Variants in ST3GAL6 observed in about 807,000 individuals in gnomAD.
ST3GAL6 encodes the protein type 2 lactosamine alpha-2,3-sialyltransferase.
Under a neutral mutation model 40.5 loss-of-function variants are expected in ST3GAL6, and 31 were observed. That is an observed-to-expected ratio of 0.77 (90% confidence interval 0.58 to 1.03). The LOEUF (loss-of-function observed/expected upper bound fraction) is 1.03, where lower values mean the gene tolerates loss of function less well. ST3GAL6 is among the 50% of genes least tolerant of loss of function. The pLI is 0.00. For missense variants in ST3GAL6, 357 were observed against 393.2 expected, an observed-to-expected ratio of 0.91 and a Z score of 0.78; for synonymous variants, 129 against 136.9, an observed-to-expected ratio of 0.94 and a Z score of 0.40.
In ST3GAL6 at chr3:98,788,085, A is replaced by G; in HGVS notation, c.481A>G (p.Thr161Ala). ...ACATGAAGAAGAAGTTGGGAGAAGG[A>G]CAACCTTCCGACTTTTTTATCCAGA... The part of the protein sequence containing the change: ...LGHEEEVGRR[T>A]TFRLFYPESV... Residue 161 changes from threonine (T) to alanine (A), a missense_variant, in exon 7 of 10, where the codon ACA (threonine) becomes GCA (alanine). Transcript: ENST00000483910. The G allele has an allele frequency of 6.2e-7, 1 of 1,614,026 alleles. No homozygotes were observed. Among genetic ancestry groups the G allele is most frequent in the South Asian group, 1.1e-5 (1 of 91,066 alleles).
At chr3:98,770,831 C>T (rs763136531) in intron 2 of ST3GAL6, 48 bp from the exon 3 acceptor site, 1 of 1,551,970 alleles carries the variant, frequency 6.4e-7, no homozygotes, top group Non-Finnish European at 8.9e-7. Context: ...TCCCTTTGGG[C>T]AGGGTGCCCG....
intron 5 of ST3GAL6, chr3:98,782,416 C>A: frequency 1.5e-6 from 1 of 645,190 alleles, no homozygotes; most frequent in Non-Finnish European, 2.8e-6. Flanking sequence ...TGTACCATGA[C>A]TCTCACAATA....
At chr3:98,782,394 A>T (rs1453247312) in intron 5 of ST3GAL6, 3 of 672,438 alleles carry the variant, frequency 4.5e-6, no homozygotes, top group African/African-American at 1.8e-5. Context: ...GCTCAGAAAA[A>T]AGTCAAAAGG....
At chr3:98,736,133 A>G (rs1335289787) in intron 1 of ST3GAL6, among the ~76,000 whole-genome samples, 1 of 152,114 alleles carries the variant, frequency 6.6e-6, no homozygotes, top group African/African-American at 2.4e-5. Flanking sequence ...TACTGCCACA[A>G]ACTTTTGTAT....
chr3:98,793,628 C>T, intron 9 of ST3GAL6, 47 bp from the exon 10 acceptor site: 1 of 1,315,456 alleles, frequency 7.6e-7, no homozygotes, highest in African/African-American at 1.5e-5. Flanking sequence ...GCTGCTAATA[C>T]TTTGAGATTG....
At chr3:98,783,420 T>G (rs563448779) in intron 5 of ST3GAL6, 3 of 345,398 alleles carry the variant, frequency 8.7e-6, no homozygotes, top group Admixed American at 6.4e-5. Flanking sequence ...TGGCAAACTG[T>G]TTTTGTTCAG....
At chr3:98,757,158 A>G (rs997638041) in intron 1 of ST3GAL6, among the ~76,000 whole-genome samples, 1 of 152,240 alleles carries the variant, frequency 6.6e-6, no homozygotes, top group African/African-American at 2.4e-5. Context: ...TGTTTTACCC[A>G]TGAATATATG....
At chr3:98,789,404 G>T (rs1241167950) in intron 8 of ST3GAL6, among the ~76,000 whole-genome samples, 1 of 152,044 alleles carries the variant, frequency 6.6e-6, no homozygotes, top group African/African-American at 2.4e-5. Flanking sequence ...CCTTTTATGT[G>T]CTTCCAGACT....
chr3:98,765,477 A>G (rs1425170909), intron 1 of ST3GAL6, among the ~76,000 whole-genome samples: 35 of 152,214 alleles, frequency 2.3e-4, no homozygotes, highest in Non-Finnish European at 5.9e-5. Context: ...ATGGACATAT[A>G]AAAGATTTTT....
Position 98,788,181 on chromosome 3 carries a change from G to A in ST3GAL6, c.577G>A (p.Asp193Asn). 1 of 1,612,542 alleles carries A rather than the reference G, an allele frequency of 6.2e-7. No homozygotes were observed. The highest frequency in any genetic ancestry group is 8.5e-7 in the Non-Finnish European group (1 of 1,179,218). Residue 193 changes from aspartate to asparagine, a missense_variant, in exon 7 of 10, where the codon GAT becomes AAT. Transcript: ENST00000483910. ...TVILTAFKPHDLRWLLELLMG... is the reference protein window; with the variant it reads ...TVILTAFKPHNLRWLLELLMG... The stretch of plus-strand genomic sequence containing the variant: ...GATTCTCACTGCTTTTAAGCCACAT[G>A]ATTTAAGGTGGCTGTTGGAATTGTT...
intron 1 of ST3GAL6, chr3:98,733,046 GGGCCGGGGTC>G (rs1416815405): frequency 2.1e-6 from 3 of 1,417,456 alleles, no homozygotes; most frequent in African/African-American, 3.0e-5. Flanking sequence ...AGACCGGTCT[GGGCCGGGGTC>G]CGGGCGGCCT....
rs1941548887 is a variant in ST3GAL6 at position 98,795,657 on chromosome 3, CGGCGGGGGG to C, written c.*1897_*1905del. On this transcript the variant is annotated 3_prime_UTR_variant, in exon 10 of 10. Coordinates refer to ENST00000483910, the MANE Select transcript of ST3GAL6 (RefSeq NM_001323368.2). ...TGGGAACGATAGACACTGAGGACTG[CGGCGGGGGG>C]AGCGAGGGGAGCGGGGAGGGCAAGG... 1 of 151,952 alleles carries C rather than the reference CGGCGGGGGG, an allele frequency of 6.6e-6. No homozygotes were observed. The allele number at this position is 151,952 out of a possible 1,614,324, so 9.4% of individuals were successfully genotyped here.
intron 3 of ST3GAL6, chr3:98,772,366 T>C (rs1470325568): frequency 1.3e-5 from 2 of 152,744 alleles, no homozygotes; most frequent in African/African-American, 4.8e-5. Flanking sequence ...TGGGTGTGGA[T>C]TTCAGCTGTC....
upstream of ST3GAL6, chr3:98,763,117 G>A (rs1937962397): frequency 1.0e-6 from 1 of 985,412 alleles, no homozygotes; most frequent in Non-Finnish European, 1.2e-6. Context: ...GTCATATGGA[G>A]ATGGCTGGGT....
Position 98,740,224 on chromosome 3 carries a change from A to C in ST3GAL6, c.-12+7692A>C, listed in dbSNP as rs868213661. On this transcript the variant is annotated intron_variant, in intron 1 of 9. Transcript: ENST00000265261. Reference sequence around the variant, plus strand: ...AAATCTGGCTCTCTTATTGCAAAACACTTTTTTTTTTTTTTTTTTTTTTAC... The same window carrying C: ...AAATCTGGCTCTCTTATTGCAAAACCCTTTTTTTTTTTTTTTTTTTTTTAC... Among the ~76,000 whole-genome samples, 498 of 116,846 alleles carry C rather than the reference A, an allele frequency of 4.3e-3. 2 individuals are homozygous for C. Among genetic ancestry groups the C allele is most frequent in the African/African-American group, 0.018 (466 of 25,770 alleles). The allele number at this position is 116,846 out of a possible 152,430, so 76.7% of individuals were successfully genotyped here.
chr3:98,749,781 G>T (rs1306225396), intron 1 of ST3GAL6, among the ~76,000 whole-genome samples: 1 of 152,224 alleles, frequency 6.6e-6, no homozygotes, highest in Non-Finnish European at 1.5e-5. Flanking sequence ...CAAGTGTAAG[G>T]AAGGGCTGTG....
chr3:98,765,481 G>T (rs980749833), intron 1 of ST3GAL6, among the ~76,000 whole-genome samples: 2 of 152,236 alleles, frequency 1.3e-5, no homozygotes, highest in African/African-American at 4.8e-5. Flanking sequence ...ACATATAAAA[G>T]ATTTTTTATG....
Position 98,793,733 on chromosome 3 carries a change from A to C in ST3GAL6, c.968A>C (p.Asn323Thr), listed in dbSNP as rs141801266. ...QLFLKDIIEK[N>T]LVINLTQD ...TTTTTGAAGGACATTATAGAAAAAA[A>C]CCTCGTAATCAACTTGACTCAAGAT... is the stretch of plus-strand genomic sequence containing the variant. The change falls in exon 10 of 10, where the codon AAC becomes ACC. Residue 323 changes from asparagine to threonine, a missense_variant. Transcript: ENST00000483910. 6.2e-7 allele frequency: 1 copy of C among 1,603,952 alleles called. No individual in the cohort carries two copies. Among genetic ancestry groups the C allele is most frequent in the Non-Finnish European group, 8.5e-7 (1 of 1,175,676 alleles).
At chr3:98,737,247 C>T (rs1309543023) in intron 1 of ST3GAL6, among the ~76,000 whole-genome samples, 3 of 152,092 alleles carry the variant, frequency 2.0e-5, no homozygotes, top group Non-Finnish European at 4.4e-5. Context: ...GATGGGGTTT[C>T]GCCATGTTGG....
Sources: gnomAD v4.1 joint callset for allele counts (sites outside exome capture counted in the v4.1 genomes callset) on GRCh38, gnomAD v4.1.1 for gene constraint, MANE v1.5 for transcripts, NCBI Gene and HGNC (gene_info 2026-07-23, HGNC 2026-07-21) for gene names.